PLCB1: variants seen among roughly 807,000 people sequenced by gnomAD.
PLCB1 encodes phospholipase C beta 1.
PLCB1 carries 46 observed loss-of-function variants against 161.8 expected under a neutral mutation model. That is an observed-to-expected ratio of 0.28 (90% CI 0.22 to 0.36). The LOEUF is 0.36. Among genes scored for constraint, PLCB1 ranks in the 10% least tolerant of loss-of-function variants. The probability of loss-of-function intolerance (pLI) is 1.00; values close to 1 mark genes in which losing one functional copy is unlikely to be tolerated. For missense variants in PLCB1, 1,016 were observed against 1,472.5 expected (o/e 0.69, Z 5.07); for synonymous variants, 517 against 503.7 (o/e 1.03, Z -0.35).
intron 3 of PLCB1, among the ~76,000 whole-genome samples, chr20:8,422,372 C>A (rs906711168): frequency 6.6e-6 from 1 of 152,214 alleles, no homozygotes; most frequent in Admixed American, 6.5e-5. Flanking sequence ...CAAAATGCTA[C>A]TCATTATGCA....
chr20:8,624,480 A>T (rs1988275964), intron 3 of PLCB1, among the ~76,000 whole-genome samples: 1 of 152,226 alleles, frequency 6.6e-6, no homozygotes, highest in Admixed American at 6.5e-5. Context: ...TAACCTTTTT[A>T]AAAAGTGGTA....
At chr20:8,470,824 T>C (rs1375584246) in intron 3 of PLCB1, among the ~76,000 whole-genome samples, 1 of 152,208 alleles carries the variant, frequency 6.6e-6, no homozygotes, top group Non-Finnish European at 1.5e-5. Context: ...TAAAATTTAA[T>C]TGTAAAATTT....
intron 2 of PLCB1, among the ~76,000 whole-genome samples, chr20:8,266,347 T>C (rs947364885): frequency 6.6e-6 from 1 of 152,214 alleles, no homozygotes; most frequent in Non-Finnish European, 1.5e-5. Context: ...GAATGGGCTC[T>C]GCTCCACATG....
chr20:8,642,632 A>G (rs1230551282), intron 4 of PLCB1, among the ~76,000 whole-genome samples: 1 of 152,262 alleles, frequency 6.6e-6, no homozygotes, highest in African/African-American at 2.4e-5. Context: ...TACATGTCTC[A>G]CCAATATTAA....
At chr20:8,342,885 T>G (rs943398354) in intron 2 of PLCB1, among the ~76,000 whole-genome samples, 2 of 152,172 alleles carry the variant, frequency 1.3e-5, no homozygotes, top group African/African-American at 4.8e-5. Flanking sequence ...CCCCACAGAA[T>G]GAAAAGTATT....
At chr20:8,359,352 A>G (rs1986465883) in intron 2 of PLCB1, among the ~76,000 whole-genome samples, 1 of 152,142 alleles carries the variant, frequency 6.6e-6, no homozygotes, top group South Asian at 2.1e-4. Context: ...TGTTATGGAT[A>G]GTTTTTTTAT....
chr20:8,641,428 C>T (rs6055966), intron 4 of PLCB1, among the ~76,000 whole-genome samples: 42,169 of 152,108 alleles, frequency 0.28, 6,029 homozygotes, highest in East Asian at 0.48. Flanking sequence ...AATCTATTAC[C>T]TATTTTATAA....
chr20:8,373,192 T>C (rs780900515), intron 3 of PLCB1, among the ~76,000 whole-genome samples: 4 of 152,202 alleles, frequency 2.6e-5, no homozygotes, highest in Non-Finnish European at 5.9e-5. Context: ...CCATCAGCTC[T>C]TTCTTGGAGG....
At chr20:8,738,060 T>C (rs1010565731) in intron 20 of PLCB1, among the ~76,000 whole-genome samples, 1 of 152,248 alleles carries the variant, frequency 6.6e-6, no homozygotes, top group Non-Finnish European at 1.5e-5. Flanking sequence ...TGACATAAGA[T>C]ATAACTGCAT....
chr20:8,366,618 C>A (rs917031733), intron 2 of PLCB1, among the ~76,000 whole-genome samples: 2 of 152,102 alleles, frequency 1.3e-5, no homozygotes. Flanking sequence ...CACTTTTATC[C>A]ATGCTGTTAA....
intron 31 of PLCB1, among the ~76,000 whole-genome samples, chr20:8,859,508 G>A (rs1020943252): frequency 2.6e-5 from 4 of 152,104 alleles, no homozygotes; most frequent in South Asian, 2.1e-4. Flanking sequence ...CTGCTCTCCC[G>A]CACAGCTGAA....
chr20:8,310,954 A>T (rs1984371365), intron 2 of PLCB1, among the ~76,000 whole-genome samples: 1 of 152,146 alleles, frequency 6.6e-6, no homozygotes. Context: ...ACCCCCACTG[A>T]TGGGCACCTG....
At chr20:8,499,177 A>G (rs1166499043) in intron 3 of PLCB1, among the ~76,000 whole-genome samples, 1 of 152,218 alleles carries the variant, frequency 6.6e-6, no homozygotes, top group Non-Finnish European at 1.5e-5. Flanking sequence ...TTTGATGATG[A>G]CTTCTCAAGC....
intron 3 of PLCB1, among the ~76,000 whole-genome samples, chr20:8,560,272 T>C (rs1345606327): frequency 6.6e-6 from 1 of 152,034 alleles, no homozygotes; most frequent in Non-Finnish European, 1.5e-5. Flanking sequence ...CCATTTTGGC[T>C]GTACATTGAC....
chr20:8,310,367 A>C (rs559512486), intron 2 of PLCB1, among the ~76,000 whole-genome samples: 26 of 152,210 alleles, frequency 1.7e-4, no homozygotes, highest in Non-Finnish European at 3.1e-4. Context: ...GTTAGTCCCA[A>C]GCTTATGGAT....
intron 3 of PLCB1, among the ~76,000 whole-genome samples, chr20:8,447,551 G>T (rs1367813258): frequency 6.6e-6 from 1 of 152,158 alleles, no homozygotes; most frequent in Non-Finnish European, 1.5e-5. Flanking sequence ...CAAACATACT[G>T]AGGGATAGAG....
intron 31 of PLCB1, among the ~76,000 whole-genome samples, chr20:8,879,399 A>C (rs1425844659): frequency 6.6e-6 from 1 of 152,144 alleles, no homozygotes; most frequent in African/African-American, 2.4e-5. Context: ...TGATTTTAGA[A>C]AGGCAATGTG....
intron 2 of PLCB1, among the ~76,000 whole-genome samples, chr20:8,267,274 T>G (rs542676128): frequency 6.6e-6 from 1 of 152,274 alleles, no homozygotes; most frequent in South Asian, 2.1e-4. Flanking sequence ...TGTTGGCTTT[T>G]ATTAGCCCCC....
chr20:8,496,967 G>A (rs1316777226), intron 3 of PLCB1, among the ~76,000 whole-genome samples: 1 of 152,172 alleles, frequency 6.6e-6, no homozygotes, highest in South Asian at 2.1e-4. Context: ...ATAAAGAAAA[G>A]CTAGTCTATA....
Sources: gnomAD v4.1 joint callset for allele counts (sites outside exome capture counted in the v4.1 genomes callset) on GRCh38, gnomAD v4.1.1 for gene constraint, MANE v1.5 for transcripts, NCBI Gene and HGNC (gene_info 2026-07-23, HGNC 2026-07-21) for gene names.